SLC6A20: variants seen among roughly 807,000 people sequenced by gnomAD.
SLC6A20 encodes the protein sodium- and chloride-dependent transporter XTRP3.
Under a neutral mutation model 64.3 loss-of-function variants are expected in SLC6A20, and 73 were observed. That is an observed-to-expected ratio of 1.14 (90% CI 0.94 to 1.38). The LOEUF (loss-of-function observed/expected upper bound fraction) is 1.38. Ranked by LOEUF, SLC6A20 falls within the 40% of genes most tolerant of loss-of-function variation. The pLI, the probability that SLC6A20 is intolerant of heterozygous loss-of-function variation, is 0.00. For synonymous variants in SLC6A20, 347 were observed against 329.6 expected (o/e 1.05, Z -0.57); for missense variants, 725 against 772.8 (o/e 0.94, Z 0.73).
Position 45,775,994 on chromosome 3 carries a change from G to T in SLC6A20, c.355-6C>A. ...ACAGACCACGGCAGGGGATCCTGTG[G>T]GACCAAAGCAAGTGTTATCCAGGGA... On this transcript the variant is annotated splice_region_variant and splice_polypyrimidine_tract_variant and intron_variant, in intron 3 of 10. Transcript: ENST00000358525. 1 of 1,613,822 alleles carries T rather than the reference G, an allele frequency of 6.2e-7. No homozygotes were observed. Among genetic ancestry groups the T allele is most frequent in the South Asian group, 1.1e-5 (1 of 91,064 alleles).
At chr3:45,760,235 G>A (rs963041607) in intron 9 of SLC6A20, among the ~76,000 whole-genome samples, 7 of 152,194 alleles carry the variant, frequency 4.6e-5, no homozygotes, top group African/African-American at 1.7e-4. Context: ...AAGGGATGAC[G>A]GAGCAAGCAA....
intron 9 of SLC6A20, among the ~76,000 whole-genome samples, chr3:45,761,232 C>A (rs566425652): frequency 6.6e-6 from 1 of 151,802 alleles, no homozygotes; most frequent in African/African-American, 2.4e-5. Context: ...AACCCCCCCC[C>A]CTTTCCTGGA....
chr3:45,792,670 G>A lies in SLC6A20; in HGVS notation c.121+3629C>T, dbSNP rs117061662. Among the ~76,000 whole-genome samples the A allele has an allele frequency of 2.5e-4, 38 of 152,286 alleles. 2 individuals are homozygous for A. The East Asian group carries it at 7.2e-3, about 29-fold the overall frequency. On this transcript the variant is annotated intron_variant, in intron 1 of 10. Coordinates refer to ENST00000358525, the MANE Select transcript of SLC6A20 (RefSeq NM_020208.4). The stretch of plus-strand genomic sequence containing the variant: ...GTCCCAGGCTGGGTGCTGGCCTGAA[G>A]AGCTGTGGCCACCGCAGCTCCAGGC...
intron 1 of SLC6A20, among the ~76,000 whole-genome samples, chr3:45,792,132 C>G (rs1364696626): frequency 6.6e-6 from 1 of 152,184 alleles, no homozygotes; most frequent in African/African-American, 2.4e-5. Flanking sequence ...AGGCTCCTGG[C>G]CAGGCCCTCC....
chr3:45,764,313 G>A (rs759436420), intron 8 of SLC6A20, among the ~76,000 whole-genome samples: 10 of 152,224 alleles, frequency 6.6e-5, no homozygotes, highest in Non-Finnish European at 1.5e-4. Context: ...GCAGACGATC[G>A]CTGCTCGAAA....
At position 45,782,079 on chromosome 3, in the gene SLC6A20, G is replaced by T; in HGVS notation, c.262+4C>A. The T allele has an allele frequency of 6.2e-7, 1 of 1,601,466 alleles. No homozygotes were observed. Among genetic ancestry groups the T allele is most frequent in the Non-Finnish European group, 8.5e-7 (1 of 1,173,084 alleles). On this transcript the variant is annotated splice_donor_region_variant and intron_variant, in intron 2 of 10. Coordinates refer to ENST00000358525, the MANE Select transcript of SLC6A20 (RefSeq NM_020208.4). ...TGGGAGAGGACTGGAGGGGCCCCAC[G>T]TACCGACACCACTGAGGTACGGGCT...
intron 1 of SLC6A20, chr3:45,790,490 A>G (rs1700231469): frequency 6.6e-6 from 1 of 152,162 alleles, no homozygotes; most frequent in African/African-American, 2.4e-5. Context: ...TCTTCCCCCA[A>G]AAGTTTCCCA....
At chr3:45,762,870 GC>G in intron 9 of SLC6A20, 42 bp downstream of exon 9, 1 of 1,607,298 alleles carries the variant, frequency 6.2e-7, no homozygotes, top group Non-Finnish European at 8.5e-7. Context: ...GGCCTCTGTG[GC>G]TGTGTTTTCC....
At chr3:45,791,276 G>A (rs778446648) in intron 1 of SLC6A20, among the ~76,000 whole-genome samples, 1 of 152,240 alleles carries the variant, frequency 6.6e-6, no homozygotes, top group Admixed American at 6.5e-5. Context: ...TGTTTGTAAG[G>A]TAGTGATTCT....
intron 1 of SLC6A20, among the ~76,000 whole-genome samples, chr3:45,782,894 C>G (rs959227274): frequency 1.3e-5 from 2 of 152,246 alleles, no homozygotes; most frequent in Non-Finnish European, 2.9e-5. Flanking sequence ...ACTGTCCCAG[C>G]CCTTCTGCCA....
At position 45,756,277 on chromosome 3, in the gene SLC6A20, G is replaced by T. The variant is rs1027864740; in HGVS notation, c.*2701C>A. ...CCAGGTGGCCCTGAGTTGTAAGACGGTGACTGTGAGTGGGGATTGAGAGGA... is the reference window on the plus strand; with the variant it reads ...CCAGGTGGCCCTGAGTTGTAAGACGTTGACTGTGAGTGGGGATTGAGAGGA... On this transcript the variant is annotated 3_prime_UTR_variant, in exon 11 of 11. Coordinates refer to ENST00000358525, the MANE Select transcript of SLC6A20 (RefSeq NM_020208.4). The T allele has an allele frequency of 2.0e-5, 3 of 152,312 alleles. No individual in the cohort carries two copies. The highest frequency in any genetic ancestry group is 4.4e-5 in the Non-Finnish European group (3 of 68,110). The allele number at this position is 152,312 out of a possible 1,614,324, so 9.4% of individuals were successfully genotyped here.
chr3:45,773,304 C>A (rs1699908659), intron 4 of SLC6A20, among the ~76,000 whole-genome samples: 1 of 152,218 alleles, frequency 6.6e-6, no homozygotes, highest in Non-Finnish European at 1.5e-5. Flanking sequence ...GGCAACCCTC[C>A]AGAAAGGGTT....
rs1699525553 is a variant in SLC6A20 at position 45,755,557 on chromosome 3, A to G, written c.*3421T>C. The G allele has an allele frequency of 1.3e-5, 2 of 152,642 alleles. No homozygotes were observed. The highest frequency in any genetic ancestry group is 6.5e-5 in the Admixed American group (1 of 15,290). The allele number at this position is 152,642 out of a possible 1,614,324, so 9.5% of individuals were successfully genotyped here. A position where few individuals can be genotyped will look rare whatever the true frequency, so the allele number is the denominator to read the frequency against. The stretch of plus-strand genomic sequence containing the variant: ...ATCAAGGTTTGCTATGTTTCCAGTA[A>G]AAACAGAAAGCTTTCCGGAGTCCAT... On this transcript the variant is annotated 3_prime_UTR_variant, in exon 11 of 11. Coordinates refer to ENST00000358525, the MANE Select transcript of SLC6A20 (RefSeq NM_020208.4).
chr3:45,764,905 G>A (rs370921419), intron 8 of SLC6A20, among the ~76,000 whole-genome samples: 1 of 151,872 alleles, frequency 6.6e-6, no homozygotes, highest in Non-Finnish European at 1.5e-5. Flanking sequence ...CTTAAGAAAT[G>A]TACACTTTAT....
Position 45,779,993 on chromosome 3 carries a change from G to T in SLC6A20, c.354+16C>A. The T allele has an allele frequency of 1.3e-6, 2 of 1,588,448 alleles. No individual in the cohort carries two copies. Among genetic ancestry groups the T allele is most frequent in the South Asian group, 1.1e-5 (1 of 87,060 alleles). On this transcript the variant is annotated intron_variant, in intron 3 of 10. Transcript: ENST00000358525. The stretch of plus-strand genomic sequence containing the variant: ...CTCGCTCCTACTCCTGTTCTGGCAC[G>T]GGCCCCCCGGCTCACCTGGAAGGAG...
intron 3 of SLC6A20, among the ~76,000 whole-genome samples, chr3:45,777,073 A>G (rs1340865288): frequency 1.3e-5 from 2 of 152,214 alleles, no homozygotes; most frequent in Non-Finnish European, 2.9e-5. Flanking sequence ...CCAGCCCCAC[A>G]TTGATCAGTT....
In SLC6A20 at chr3:45,765,855, G is replaced by A. The variant is rs1421480590; in HGVS notation, c.1099-114C>T. ...GGAAGTGGCCATGAGAAGCCACATT[G>A]TGAGGTTGGAGCTTCCATCTGCAGA... is the stretch of plus-strand genomic sequence containing the variant. On this transcript the variant is annotated intron_variant, in intron 7 of 10. Coordinates refer to ENST00000358525, the MANE Select transcript of SLC6A20 (RefSeq NM_020208.4). The surrounding 1 kb of genome is among the most constrained non-coding windows in gnomAD (Gnocchi z 4.2). 6 of 1,140,522 alleles carry A rather than the reference G, an allele frequency of 5.3e-6. No homozygotes were observed. The highest frequency in any genetic ancestry group is 5.1e-6 in the Non-Finnish European group (4 of 791,962). 70.7% of individuals were successfully genotyped at this position (1,140,522 alleles called of 1,614,324 possible). A position where few individuals can be genotyped will look rare whatever the true frequency, so the allele number is the denominator to read the frequency against.
At position 45,775,884 on chromosome 3, in the gene SLC6A20, G is replaced by C. The variant is rs1699957183; in HGVS notation, c.459C>G (p.Thr153=). Residue 153 remains threonine (T), a synonymous_variant, in exon 4 of 11, where the codon ACC becomes ACG. Transcript: ENST00000358525. ...SSTQYFWYRK[T]LNISPSLQEN... ...CCTGGAGGGACGGCGAGATATTGAG[G>C]GTTTTCCTGTACCAGAAGTACTGTG... The C allele has an allele frequency of 6.2e-7, 1 of 1,614,110 alleles. No individual in the cohort carries two copies. Among genetic ancestry groups the C allele is most frequent in the Non-Finnish European group, 8.5e-7 (1 of 1,180,032 alleles).
intron 1 of SLC6A20, among the ~76,000 whole-genome samples, chr3:45,783,626 G>A (rs1032990726): frequency 1.3e-5 from 2 of 152,232 alleles, no homozygotes; most frequent in African/African-American, 4.8e-5. Flanking sequence ...ACTTGTTTGT[G>A]TATTTCCTTG....
Sources: gnomAD v4.1 joint callset for allele counts (sites outside exome capture counted in the v4.1 genomes callset) on GRCh38, gnomAD v4.1.1 for gene constraint, Gnocchi (gnomAD v3.1) non-coding constraint, MANE v1.5 for transcripts, NCBI Gene and HGNC (gene_info 2026-07-23, HGNC 2026-07-21) for gene names.